Variants in PCDHGA5 observed in about 807,000 individuals in gnomAD.
The protein encoded by PCDHGA5 is protocadherin gamma subfamily A, 5, also known as protocadherin gamma-A5.
Under a neutral mutation model 56.7 loss-of-function variants are expected in PCDHGA5, and 36 were observed. That is an observed-to-expected ratio of 0.64 (90% confidence interval 0.49 to 0.84). The LOEUF (loss-of-function observed/expected upper bound fraction) is 0.84, where lower values mean the gene tolerates loss of function less well. Ranked by LOEUF, PCDHGA5 falls within the 40% of genes least tolerant of loss-of-function variation. The probability of loss-of-function intolerance (pLI) is 0.00; values close to 1 mark genes in which losing one functional copy is unlikely to be tolerated. For missense variants in PCDHGA5, 1,305 were observed against 1,201.5 expected, an observed-to-expected ratio of 1.09 and a Z score of -1.27; for synonymous variants, 563 against 520.2, an observed-to-expected ratio of 1.08 and a Z score of -1.12.
At chr5:141,501,290 T>TACACACACAC (rs55762287) in intron 2 of PCDHGA5, among the ~76,000 whole-genome samples, 12 of 136,162 alleles carry the variant, frequency 8.8e-5, no homozygotes, top group Admixed American at 4.7e-4. Context: ...TATTCCCTTA[T>TACACACACAC]ACACACACAC....
chr5:141,429,592 T>C (rs2097226711), intron 1 of PCDHGA5, among the ~76,000 whole-genome samples: 1 of 152,234 alleles, frequency 6.6e-6, no homozygotes, highest in Non-Finnish European at 1.5e-5. Flanking sequence ...ATTCTTGTAA[T>C]TCAAGTAAAC....
At chr5:141,377,345 C>T (rs1275867689) in intron 1 of PCDHGA5, 1 of 152,148 alleles carries the variant, frequency 6.6e-6, no homozygotes, top group African/African-American at 2.4e-5. Flanking sequence ...GTGGTTCACG[C>T]CTGTAATCCC....
At chr5:141,498,881 T>C (rs9686648) in intron 2 of PCDHGA5, among the ~76,000 whole-genome samples, 77,838 of 149,554 alleles carry the variant, frequency 0.52, 20,828 homozygotes, top group African/African-American at 0.65. Flanking sequence ...TGCAGTGAGC[T>C]GAGATCACAC....
intron 1 of PCDHGA5, chr5:141,415,759 T>TTG (rs2095938229): frequency 3.7e-6 from 5 of 1,352,054 alleles, no homozygotes; most frequent in Non-Finnish European, 4.8e-6. Flanking sequence ...TTTTTTTTTT[T>TTG]TTTTTTTTTT....
chr5:141,477,295 G>A lies in PCDHGA5; in HGVS notation c.2422-17512G>A, dbSNP rs1207558247. On this transcript the variant is annotated intron_variant, in intron 1 of 3. Transcript: ENST00000518069. This position sits in a 1 kb window ranked among gnomAD's most constrained non-coding sequence, Gnocchi z 4.9. ...GGCTGGTGACCTGCGAAGTTCCACC[G>A]GGTCTCCCTTTCAGCCTTACTTCTT... is the stretch of plus-strand genomic sequence containing the variant. The A allele has an allele frequency of 8.1e-6, 13 of 1,613,990 alleles. No homozygotes were observed. Among genetic ancestry groups the A allele is most frequent in the Admixed American group, 3.3e-5 (2 of 59,990 alleles).
intron 1 of PCDHGA5, chr5:141,375,643 C>T (rs1443985601): frequency 1.9e-6 from 3 of 1,614,092 alleles, no homozygotes; most frequent in Admixed American, 3.3e-5. Flanking sequence ...TGCGCTCCTT[C>T]GACTATGAGC....
At position 141,485,291 on chromosome 5, in the gene PCDHGA5, C is replaced by A. The variant is rs114678203; in HGVS notation, c.2422-9516C>A. 436 of 1,614,150 alleles carry A rather than the reference C, an allele frequency of 2.7e-4. No homozygotes were observed. Among genetic ancestry groups the A allele is most frequent in the Middle Eastern group, 8.2e-4 (5 of 6,062 alleles). Reference sequence around the variant, plus strand: ...CCGCTACCCGGTCCCAGAGGAGTCACAGGAAGGGACTTTTGTAGGGAATGT... The same window carrying A: ...CCGCTACCCGGTCCCAGAGGAGTCAAAGGAAGGGACTTTTGTAGGGAATGT... On this transcript the variant is annotated intron_variant, in intron 1 of 3. Coordinates refer to ENST00000518069, the MANE Select transcript of PCDHGA5 (RefSeq NM_018918.3). The surrounding 1 kb of genome is among the most constrained non-coding windows in gnomAD (Gnocchi z 5.7).
At chr5:141,479,120 A>T (rs1278879959) in intron 1 of PCDHGA5, among the ~76,000 whole-genome samples, 1 of 152,232 alleles carries the variant, frequency 6.6e-6, no homozygotes, top group Non-Finnish European at 1.5e-5. Context: ...TTCTACTGGA[A>T]ATGATGTGCA....
chr5:141,471,204 C>T (rs1349368582), intron 1 of PCDHGA5: 2 of 151,866 alleles, frequency 1.3e-5, no homozygotes, highest in African/African-American at 4.8e-5. Flanking sequence ...CACCCACCCC[C>T]ATGCCTGGCA....
At chr5:141,494,654 G>A in intron 1 of PCDHGA5, 153 bp from the exon 2 acceptor site, 1 of 966,640 alleles carries the variant, frequency 1.0e-6, no homozygotes, top group South Asian at 4.8e-5. Context: ...GGTGTATTTT[G>A]TCTTTGGAGA....
intron 1 of PCDHGA5, chr5:141,418,384 C>A (rs774636792): frequency 1.5e-5 from 25 of 1,613,864 alleles, no homozygotes; most frequent in East Asian, 4.5e-5. Context: ...TAAGTCCTAA[C>A]GAGTATTTCT....
chr5:141,390,097 C>T, intron 1 of PCDHGA5: 1 of 1,614,026 alleles, frequency 6.2e-7, no homozygotes, highest in Non-Finnish European at 8.5e-7. Context: ...TCCGTGGTTC[C>T]CCCCAACTAC....
Position 141,366,062 on chromosome 5 carries a change from G to A in PCDHGA5, c.1732G>A (p.Ala578Thr). 3.1e-6 allele frequency: 5 copies of A among 1,614,234 alleles called. No individual in the cohort carries two copies. The highest frequency in any genetic ancestry group is 4.2e-6 in the Non-Finnish European group (5 of 1,180,050). ...PTDGSTGVELAPRSAEPGYLV... is the reference protein window; with the variant it reads ...PTDGSTGVELTPRSAEPGYLV... ...AGACGGTTCCACGGGCGTGGAGCTG[G>A]CGCCTCGCTCCGCAGAACCTGGCTA... is the stretch of plus-strand genomic sequence containing the variant. Residue 578 changes from alanine (A) to threonine (T), a missense_variant, in exon 1 of 4, where the codon GCG becomes ACG. By Grantham distance (58) the Ala-to-Thr change is moderately conservative. Transcript: ENST00000518069.
intron 1 of PCDHGA5, chr5:141,388,092 T>C: frequency 8.7e-6 from 12 of 1,373,060 alleles, no homozygotes; most frequent in Non-Finnish European, 1.2e-5. Flanking sequence ...GCGCGTCAGT[T>C]CGGAGAAGCC....
chr5:141,487,675 A>G lies in PCDHGA5; in HGVS notation c.2422-7132A>G, dbSNP rs752606441. ...GTTATTCTGATCCAGGCATATGGCT[A>G]GGCCATGTCCTAGAGAGTACTGGCC... On this transcript the variant is annotated intron_variant, in intron 1 of 3. Transcript: ENST00000518069. This position sits in a 1 kb window ranked among gnomAD's most constrained non-coding sequence, Gnocchi z 5.0. 22 of 1,611,038 alleles carry G rather than the reference A, an allele frequency of 1.4e-5. No individual in the cohort carries two copies. Among genetic ancestry groups the G allele is most frequent in the Non-Finnish European group, 1.7e-5 (20 of 1,178,458 alleles).
At chr5:141,384,890 TG>T in intron 1 of PCDHGA5, 1 of 1,613,868 alleles carries the variant, frequency 6.2e-7, no homozygotes, top group Non-Finnish European at 8.5e-7. Flanking sequence ...ACCGTGGCTG[TG>T]GCTGACAGCA....
At position 141,365,994 on chromosome 5, in the gene PCDHGA5, A is replaced by G; in HGVS notation, c.1664A>G (p.Gln555Arg). The change falls in exon 1 of 4, where the codon CAG (glutamine) becomes CGG (arginine). Residue 555 changes from glutamine (Q) to arginine (R), a missense_variant. Gln to Arg is a conservative substitution (Grantham distance 43). Coordinates refer to ENST00000518069, the MANE Select transcript of PCDHGA5 (RefSeq NM_018918.3). ...TCGCTGAGCCTGTTTGTGCTGGACC[A>G]GAACGACAATACGCCTGAGATCCTG... ...NVSLSLFVLD[Q>R]NDNTPEILYP... The G allele has an allele frequency of 6.2e-7, 1 of 1,614,260 alleles. No homozygotes were observed. The highest frequency in any genetic ancestry group is 8.5e-7 in the Non-Finnish European group (1 of 1,180,052).
At chr5:141,385,196 G>A (rs760255338) in intron 1 of PCDHGA5, 3 of 1,614,230 alleles carry the variant, frequency 1.9e-6, no homozygotes, top group Non-Finnish European at 2.5e-6. Context: ...TCTCGGAAGA[G>A]TCACCTGATC....
chr5:141,370,215 C>T (rs1430823989), intron 1 of PCDHGA5: 3 of 566,618 alleles, frequency 5.3e-6, no homozygotes, highest in East Asian at 5.9e-5. Flanking sequence ...TTGGCTCCTC[C>T]CGCTGCAGCC....
Sources: allele counts gnomAD v4.1 joint callset (sites outside exome capture counted in the v4.1 genomes callset), GRCh38; gene constraint gnomAD v4.1.1; non-coding constraint Gnocchi (gnomAD v3.1); transcripts MANE v1.5; gene names NCBI Gene and HGNC (gene_info 2026-07-23, HGNC 2026-07-21).